The following LUC7L3 variants were observed in gnomAD, a reference collection of about 807,000 sequenced individuals.
LUC7L3 encodes the protein luc7-like protein 3.
LUC7L3 carries 6 observed loss-of-function variants against 66.8 expected under a neutral mutation model. The ratio of observed to expected loss-of-function variants is 0.09; its 90% CI spans 0.05 to 0.18. The LOEUF (loss-of-function observed/expected upper bound fraction) is 0.18, where lower values mean the gene tolerates loss of function less well. Among genes scored for constraint, LUC7L3 ranks in the 10% least tolerant of loss-of-function variants. The pLI, the probability that LUC7L3 is intolerant of heterozygous loss-of-function variation, is 1.00. For synonymous variants in LUC7L3, 160 were observed against 174.7 expected (o/e 0.92, Z 0.66); for missense variants, 341 against 531.1 (o/e 0.64, Z 3.52).
intron 1 of LUC7L3, among the ~76,000 whole-genome samples, chr17:50,721,116 ACT>A (rs1200557467): frequency 6.6e-6 from 1 of 150,696 alleles, no homozygotes; most frequent in African/African-American, 2.4e-5. Context: ...TAACTACCTG[ACT>A]CTGTAACCTT....
At chr17:50,724,469 C>G (rs917001835) in intron 1 of LUC7L3, among the ~76,000 whole-genome samples, 1 of 151,772 alleles carries the variant, frequency 6.6e-6, no homozygotes, top group Non-Finnish European at 1.5e-5. Flanking sequence ...TGCAGTGAGC[C>G]GAGATGGTGC....
At chr17:50,739,624 G>A (rs1050140512) in intron 2 of LUC7L3, among the ~76,000 whole-genome samples, 19 of 150,752 alleles carry the variant, frequency 1.3e-4, no homozygotes, top group Non-Finnish European at 2.4e-4. Flanking sequence ...GCTGCACTCC[G>A]GCCTGGGCGA....
At chr17:50,727,095 A>G (rs1969245131) in intron 1 of LUC7L3, among the ~76,000 whole-genome samples, 1 of 152,208 alleles carries the variant, frequency 6.6e-6, no homozygotes, top group Non-Finnish European at 1.5e-5. Context: ...TCTCAAAAAA[A>G]AAAGAATACA....
In LUC7L3 at chr17:50,753,836, AGTAT is replaced by A. The variant is rs1567884323; in HGVS notation, c.*3176_*3179del. The stretch of plus-strand genomic sequence containing the variant: ...ATCAACGTCTAACTAACTTAAATGA[AGTAT>A]AATAAATGAGTTCATATGAAAAGGC... On this transcript the variant is annotated 3_prime_UTR_variant, in exon 10 of 10. Coordinates refer to ENST00000505658, the MANE Select transcript of LUC7L3 (RefSeq NM_016424.5). The A allele has an allele frequency of 6.6e-6, 1 of 152,190 alleles. No individual in the cohort carries two copies. The highest frequency in any genetic ancestry group is 1.5e-5 in the Non-Finnish European group (1 of 68,028). The allele number at this position is 152,190 out of a possible 1,614,324, so 9.4% of individuals were successfully genotyped here.
chr17:50,747,232 C>CTTTTTTTTTTT (rs757254602), intron 9 of LUC7L3, among the ~76,000 whole-genome samples: 25 of 102,938 alleles, frequency 2.4e-4, no homozygotes, highest in East Asian at 5.7e-4. Context: ...TTTTCTTTTT[C>CTTTTTTTTTTT]TTTTTTTTTT....
intron 1 of LUC7L3, among the ~76,000 whole-genome samples, chr17:50,728,656 CGAT>C (rs1291423523): frequency 6.6e-6 from 1 of 152,158 alleles, no homozygotes; most frequent in East Asian, 1.9e-4. Context: ...CAGGTTCAAG[CGAT>C]GCTCGTGCCT....
In LUC7L3 at chr17:50,741,127, A is replaced by C. The variant is rs775218142; in HGVS notation, c.232A>C (p.Lys78Gln). 6.2e-7 allele frequency: 1 copy of C among 1,614,170 alleles called. No individual in the cohort carries two copies. Among genetic ancestry groups the C allele is most frequent in the Admixed American group, 1.7e-5 (1 of 60,030 alleles). The change falls in exon 4 of 10, where the codon AAA becomes CAA. Residue 78 changes from lysine to glutamine, a missense_variant. Physicochemically the swap from Lys to Gln is moderately conservative, Grantham distance 53. Transcript: ENST00000505658. ...GTATGAGAAGAGCTCTCGTTTCATG[A>C]AAGTTGGCTATGAGAGAGATTTTTT... Reference protein sequence around the residue: ...KQYEKSSRFMKVGYERDFLRY... With the variant: ...KQYEKSSRFMQVGYERDFLRY...
rs1319450934 is a variant in LUC7L3 at position 50,755,029 on chromosome 17, AAC to A, written c.*4371_*4372del. The A allele has an allele frequency of 6.6e-6, 1 of 152,098 alleles. No homozygotes were observed. Among genetic ancestry groups the A allele is most frequent in the African/African-American group, 2.4e-5 (1 of 41,358 alleles). The allele number at this position is 152,098 out of a possible 1,614,324, so 9.4% of individuals were successfully genotyped here. A position where few individuals can be genotyped will look rare whatever the true frequency, so the allele number is the denominator to read the frequency against. On this transcript the variant is annotated 3_prime_UTR_variant, in exon 10 of 10. Transcript: ENST00000505658. ...CATCTGATATGTGCATGAAACAAAA[AAC>A]ACTTGAAGTTATTATGTATACAATT...
Position 50,741,147 on chromosome 17 carries a change from T to C in LUC7L3, c.252T>C (p.Asp84=). The change falls in exon 4 of 10, where the codon GAT becomes GAC. Residue 84 remains aspartate (D), a synonymous_variant. Transcript: ENST00000505658. ...SRFMKVGYER[D]FLRYLQSLLA... ...TCATGAAAGTTGGCTATGAGAGAGA[T>C]TTTTTGCGATACTTACAGAGCTTAC... 6.2e-7 allele frequency: 1 copy of C among 1,614,018 alleles called. No individual in the cohort carries two copies. The highest frequency in any genetic ancestry group is 8.5e-7 in the Non-Finnish European group (1 of 1,179,928).
rs758902107 is a variant in LUC7L3, at chr17:50,743,828, C to G, written c.531+18C>G. The G allele has an allele frequency of 6.6e-7, 1 of 1,507,248 alleles. No homozygotes were observed. Among genetic ancestry groups the G allele is most frequent in the Non-Finnish European group, 9.2e-7 (1 of 1,088,958 alleles). 93.4% of individuals were successfully genotyped at this position (1,507,248 alleles called of 1,614,324 possible). A position where few individuals can be genotyped will look rare whatever the true frequency, so the allele number is the denominator to read the frequency against. On this transcript the variant is annotated intron_variant, in intron 6 of 9. Coordinates refer to ENST00000505658, the MANE Select transcript of LUC7L3 (RefSeq NM_016424.5). ...CAACGTCGGTGAGTAAACCTTATTTCACATTATCTCATCTGTCTGTTAACA... is the reference window on the plus strand; with the variant it reads ...CAACGTCGGTGAGTAAACCTTATTTGACATTATCTCATCTGTCTGTTAACA...
At chr17:50,740,769 A>G (rs1371048353) in intron 3 of LUC7L3, among the ~76,000 whole-genome samples, 1 of 152,216 alleles carries the variant, frequency 6.6e-6, no homozygotes, top group African/African-American at 2.4e-5. Flanking sequence ...CATGTTGGCC[A>G]GGCTGGTCTC....
Position 50,746,559 on chromosome 17 carries a change from G to C in LUC7L3, c.995G>C (p.Arg332Thr). Residue 332 changes from arginine (R) to threonine (T), a missense_variant, in exon 9 of 10, where the codon AGA becomes ACA. This residue lies in a region of LUC7L3 where 210 missense variants were observed against 238.1 expected (regional missense o/e 0.88). Coordinates refer to ENST00000505658, the MANE Select transcript of LUC7L3 (RefSeq NM_016424.5). ...RRRSRSRDRR[R>T]SRSHDRSERK... Reference sequence around the variant, plus strand: ...TTATTAAGAAGTAGAGATCGACGAAGAAGCAGAAGCCATGATCGATCAGAA... The same window carrying C: ...TTATTAAGAAGTAGAGATCGACGAACAAGCAGAAGCCATGATCGATCAGAA... 1 of 1,612,738 alleles carries C rather than the reference G, an allele frequency of 6.2e-7. No individual in the cohort carries two copies. The highest frequency in any genetic ancestry group is 8.5e-7 in the Non-Finnish European group (1 of 1,179,650).
chr17:50,720,231 A>G (rs191993989), intron 1 of LUC7L3, among the ~76,000 whole-genome samples: 6 of 152,366 alleles, frequency 3.9e-5, no homozygotes, highest in East Asian at 3.9e-4. Flanking sequence ...ACCAGGATTC[A>G]TGGTAAAAAT....
chr17:50,733,749 T>C (rs1415385473), intron 1 of LUC7L3, among the ~76,000 whole-genome samples: 1 of 152,224 alleles, frequency 6.6e-6, no homozygotes, highest in Non-Finnish European at 1.5e-5. Flanking sequence ...ATTTAGTTTT[T>C]AAATTATTTT....
chr17:50,724,764 T>C (rs9911553), intron 1 of LUC7L3, among the ~76,000 whole-genome samples: 43,956 of 147,440 alleles, frequency 0.3, 6,884 homozygotes, highest in Middle Eastern at 0.34. Context: ...CTCTTTTTTT[T>C]TTTTTTTTTA....
intron 1 of LUC7L3, among the ~76,000 whole-genome samples, chr17:50,729,934 ATATATATATATG>A (rs1472076993): frequency 3.8e-4 from 12 of 31,180 alleles, no homozygotes; most frequent in South Asian, 2.5e-3. Context: ...ATATATATAT[ATATATATATATG>A]TATGTATTTT....
At chr17:50,750,185 C>G (rs1970912208) in intron 9 of LUC7L3, among the ~76,000 whole-genome samples, 1 of 151,948 alleles carries the variant, frequency 6.6e-6, no homozygotes, top group Non-Finnish European at 1.5e-5. Context: ...TCTTTTATAC[C>G]TTTCCCAGTG....
chr17:50,736,446 T>C (rs548992979), intron 1 of LUC7L3, among the ~76,000 whole-genome samples: 83 of 152,304 alleles, frequency 5.4e-4, no homozygotes, highest in African/African-American at 1.8e-3. Context: ...TTTTAAAACA[T>C]TTGCCAGGCA....
intron 2 of LUC7L3, among the ~76,000 whole-genome samples, chr17:50,739,954 A>G (rs1219793510): frequency 1.3e-5 from 2 of 152,334 alleles, no homozygotes; most frequent in African/African-American, 4.8e-5. Context: ...TGAAAATAAT[A>G]AAGTCGGCAA....
Sources: allele counts gnomAD v4.1 joint callset (sites outside exome capture counted in the v4.1 genomes callset), GRCh38; gene constraint gnomAD v4.1.1; regional missense constraint gnomAD v4.1.1; transcripts MANE v1.5; gene names NCBI Gene and HGNC (gene_info 2026-07-23, HGNC 2026-07-21).